Variants in RBM19 observed in about 807,000 individuals in gnomAD.
The protein encoded by RBM19 is probable RNA-binding protein 19.
Under a neutral mutation model 116.8 loss-of-function variants are expected in RBM19, and 94 were observed. That is an observed-to-expected ratio of 0.80 (90% confidence interval 0.68 to 0.95). The LOEUF (loss-of-function observed/expected upper bound fraction) is 0.95. Ranked by LOEUF, RBM19 falls within the 40% of genes least tolerant of loss-of-function variation. The probability of loss-of-function intolerance (pLI) is 0.00; values close to 1 mark genes in which losing one functional copy is unlikely to be tolerated. For synonymous variants in RBM19, 475 were observed against 494.1 expected (o/e 0.96, Z 0.51); for missense variants, 1,161 against 1,220.7 (o/e 0.95, Z 0.73).
At chr12:113,832,441 T>C (rs895976213) in intron 23 of RBM19, among the ~76,000 whole-genome samples, 5 of 152,170 alleles carry the variant, frequency 3.3e-5, no homozygotes, top group African/African-American at 1.2e-4. Context: ...CCACCCACCT[T>C]GGCCTCCCAA....
At chr12:113,826,868 C>T (rs937003700) in intron 23 of RBM19, among the ~76,000 whole-genome samples, 4 of 152,140 alleles carry the variant, frequency 2.6e-5, no homozygotes, top group Non-Finnish European at 4.4e-5. Context: ...CGGAGCCTGG[C>T]TTTGTGGCCT....
chr12:113,823,192 GC>G lies in RBM19; in HGVS notation c.*31del. Reference sequence around the variant, plus strand: ...TGGAGCGGCTGTCCCGGTCCCCAGGGCCCCGGAGCCACACACCCTCTCGGTG... The same window carrying G: ...TGGAGCGGCTGTCCCGGTCCCCAGGGCCCGGAGCCACACACCCTCTCGGTG... On this transcript the variant is annotated 3_prime_UTR_variant, in exon 24 of 24. Coordinates refer to ENST00000261741, the MANE Select transcript of RBM19 (RefSeq NM_016196.4). 1.3e-6 allele frequency: 2 copies of G among 1,592,780 alleles called. No individual in the cohort carries two copies.
chr12:113,861,474 C>CTGTGTGTGTGTGTGTGTG lies in RBM19; in HGVS notation c.2559-2596_2559-2579dup, dbSNP rs57704604. Among the ~76,000 whole-genome samples, 403 of 126,492 alleles carry CTGTGTGTGTGTGTGTGTG rather than the reference C, an allele frequency of 3.2e-3. 5 individuals carry two copies. Among genetic ancestry groups the CTGTGTGTGTGTGTGTGTG allele is most frequent in the Middle Eastern group, 8.1e-3 (2 of 248 alleles). The allele number at this position is 126,492 out of a possible 152,430, so 83.0% of individuals were successfully genotyped here. On this transcript the variant is annotated intron_variant, in intron 21 of 23. Transcript: ENST00000261741. ...GCCCAGATTTCTGGTAAGCCAGACTCTGTGTGTGTGTGTGTGTGTGTGTGT... is the reference window on the plus strand; with the variant it reads ...GCCCAGATTTCTGGTAAGCCAGACTCTGTGTGTGTGTGTGTGTGTGTGTGTGTGTGTGTGTGTGTGTGT...
intron 21 of RBM19, among the ~76,000 whole-genome samples, chr12:113,895,097 A>T (rs1881228742): frequency 6.6e-6 from 1 of 152,264 alleles, no homozygotes. Context: ...AACAGGGCCC[A>T]GCAGGTCCTG....
intron 21 of RBM19, among the ~76,000 whole-genome samples, chr12:113,878,927 CGAGT>C (rs1277796902): frequency 6.6e-6 from 1 of 151,752 alleles, no homozygotes; most frequent in Admixed American, 6.6e-5. Context: ...GTCACACACG[CGAGT>C]GAGTGGCACA....
chr12:113,889,969 C>T (rs1303709743), intron 21 of RBM19, among the ~76,000 whole-genome samples: 2 of 152,140 alleles, frequency 1.3e-5, no homozygotes, highest in South Asian at 2.1e-4. Flanking sequence ...TCTCCAGCTC[C>T]CCAGCTCCCT....
chr12:113,842,799 C>G (rs1876614007), intron 23 of RBM19, among the ~76,000 whole-genome samples: 1 of 151,662 alleles, frequency 6.6e-6, no homozygotes. Context: ...GTTTTGAAGG[C>G]ATTTATCAGG....
Position 113,937,029 on chromosome 12 carries a change from CT to C in RBM19, c.2045del (p.Lys682ArgfsTer65). Reference protein sequence around the residue: ...LQDTPSEPMEKDPAEPETVPD... With the variant: ...LQDTPSEPMEXDPAEPETVPD... ...TACCTGTTTCTGGCTCTGCTGGGTC[CT>C]TTTCCATGGGTTCTGAAGGTGTGTC... On this transcript the variant is annotated frameshift_variant, in exon 16 of 24. Coordinates refer to ENST00000261741, the MANE Select transcript of RBM19 (RefSeq NM_016196.4). LOFTEE classifies it high-confidence loss of function. The C allele has an allele frequency of 6.2e-7, 1 of 1,614,090 alleles. No individual in the cohort carries two copies. The highest frequency in any genetic ancestry group is 8.5e-7 in the Non-Finnish European group (1 of 1,179,996).
chr12:113,966,117 C>T, intron 1 of RBM19, 75 bp downstream of exon 1: 1 of 1,592,018 alleles, frequency 6.3e-7, no homozygotes, highest in South Asian at 1.1e-5. Flanking sequence ...TCGATCACCT[C>T]CAGGCATCTC....
intron 16 of RBM19, among the ~76,000 whole-genome samples, chr12:113,932,150 G>A (rs1239159020): frequency 6.6e-6 from 1 of 152,234 alleles, no homozygotes; most frequent in Non-Finnish European, 1.5e-5. Flanking sequence ...GATGGCTTCA[G>A]GTCATATCCC....
chr12:113,844,620 T>C (rs1398227998), intron 23 of RBM19, 48 bp downstream of exon 23: 1 of 1,568,200 alleles, frequency 6.4e-7, no homozygotes, highest in Admixed American at 1.8e-5. Context: ...ACCTCTTGTG[T>C]TCCCCAGGGG....
chr12:113,946,364 T>C lies in RBM19; in HGVS notation c.1519A>G (p.Asn507Asp). The change falls in exon 12 of 24, where the codon AAC becomes GAC. Residue 507 changes from asparagine to aspartate, a missense_variant. By Grantham distance (23) the Asn-to-Asp change is conservative. Coordinates refer to ENST00000261741, the MANE Select transcript of RBM19 (RefSeq NM_016196.4). Reference sequence around the variant, plus strand: ...AGGGGCACTGAGGACCTGGCACTGTTGGCTTTGTCCTGGGCCTCCTTCTTC... The same window carrying C: ...AGGGGCACTGAGGACCTGGCACTGTCGGCTTTGTCCTGGGCCTCCTTCTTC... The part of the protein sequence containing the change: ...KKKKEAQDKA[N>D]SASSHNWNTL... The C allele has an allele frequency of 6.2e-7, 1 of 1,614,076 alleles. No individual in the cohort carries two copies. Among genetic ancestry groups the C allele is most frequent in the South Asian group, 1.1e-5 (1 of 91,074 alleles).
At chr12:113,961,513 C>T (rs1872496639) in intron 2 of RBM19, among the ~76,000 whole-genome samples, 1 of 152,178 alleles carries the variant, frequency 6.6e-6, no homozygotes, top group Non-Finnish European at 1.5e-5. Flanking sequence ...CTATGGCCTT[C>T]TATGCATTTA....
Position 113,959,140 on chromosome 12 carries a change from C to T in RBM19, c.571+72G>A. On this transcript the variant is annotated intron_variant, in intron 5 of 23. Coordinates refer to ENST00000261741, the MANE Select transcript of RBM19 (RefSeq NM_016196.4). ...GACTCCTAGAGTCTGCACAGAGGGG[C>T]CCCCAGTGCCGGTTAGCCCAATGGC... 1.3e-6 allele frequency: 2 copies of T among 1,529,558 alleles called. 1 individual carries two copies. The highest frequency in any genetic ancestry group is 2.5e-5 in the South Asian group (2 of 79,488). 94.7% of individuals were successfully genotyped at this position (1,529,558 alleles called of 1,614,324 possible).
At chr12:113,836,509 G>C (rs181055379) in intron 23 of RBM19, among the ~76,000 whole-genome samples, 45 of 152,090 alleles carry the variant, frequency 3.0e-4, no homozygotes, top group Admixed American at 1.2e-3. Flanking sequence ...GGGAGGGGCT[G>C]GGGGGTTTAC....
At chr12:113,965,951 AAG>A (rs566408312) in intron 1 of RBM19, among the ~76,000 whole-genome samples, 65 of 152,258 alleles carry the variant, frequency 4.3e-4, no homozygotes, top group Non-Finnish European at 5.7e-4. Flanking sequence ...TCTCCCCGAG[AAG>A]AGGTGTGTTA....
chr12:113,840,908 T>C (rs894179859), intron 23 of RBM19, among the ~76,000 whole-genome samples: 2 of 152,216 alleles, frequency 1.3e-5, no homozygotes, highest in African/African-American at 4.8e-5. Flanking sequence ...TATACCCCCG[T>C]AAGCTGCCAT....
At chr12:113,919,379 G>T (rs1882970603) in intron 19 of RBM19, among the ~76,000 whole-genome samples, 1 of 152,184 alleles carries the variant, frequency 6.6e-6, no homozygotes, top group Admixed American at 6.5e-5. Context: ...AGACCATCCT[G>T]GCTAACACGG....
rs372480302 is a variant in RBM19, at chr12:113,949,040, C to A, written c.1073-4G>T. 2.4e-5 allele frequency: 38 copies of A among 1,611,150 alleles called. No individual in the cohort carries two copies. The South Asian group carries it at 3.2e-4, about 14-fold the overall frequency. On this transcript the variant is annotated splice_region_variant and splice_polypyrimidine_tract_variant and intron_variant, in intron 9 of 23. Transcript: ENST00000261741. ...AACACCTCGATGTAGCGCCCACCTG[C>A]AATGAAGAGGAGTCAGGGCTCCAGG...
Sources: gnomAD v4.1 joint callset for allele counts (sites outside exome capture counted in the v4.1 genomes callset) on GRCh38, gnomAD v4.1.1 for gene constraint, MANE v1.5 for transcripts, NCBI Gene and HGNC (gene_info 2026-07-23, HGNC 2026-07-21) for gene names.